RNF115: variants seen among roughly 807,000 people sequenced by gnomAD.
RNF115 encodes the protein ring finger protein 115.
In RNF115, 31 loss-of-function variants were observed where a neutral mutation model predicts 39.2. The observed-to-expected ratio is 0.79, with a 90% confidence interval of 0.59 to 1.07. The LOEUF is 1.07. RNF115 is among the 50% of genes least tolerant of loss of function. RNF115 has a pLI of 0.00. For missense variants in RNF115, 384 were observed against 381.7 expected, an observed-to-expected ratio of 1.01 and a Z score of -0.05; for synonymous variants, 124 against 131.0, an observed-to-expected ratio of 0.95 and a Z score of 0.37.
intron 1 of RNF115, among the ~76,000 whole-genome samples, chr1:145,794,123 C>T (rs1303974479): frequency 3.9e-5 from 6 of 152,176 alleles, no homozygotes; most frequent in African/African-American, 4.8e-5. Context: ...GAATTACAGG[C>T]GTGAGCCACC....
intron 1 of RNF115, among the ~76,000 whole-genome samples, chr1:145,800,658 T>C (rs1649194019): frequency 1.3e-5 from 2 of 152,138 alleles, no homozygotes; most frequent in African/African-American, 4.8e-5. Context: ...GAAAACACCA[T>C]CTTGGATCCA....
chr1:145,797,636 T>C lies in RNF115; in HGVS notation c.103-8670A>G, dbSNP rs587662846. ...GCAAATATCTCTCTGAGGTCCTGCA[T>C]TGAATACTTCTGGATACATATCCAG... is the stretch of plus-strand genomic sequence containing the variant. On this transcript the variant is annotated intron_variant, in intron 1 of 8. Transcript: ENST00000582693. Among the ~76,000 whole-genome samples the C allele has an allele frequency of 1.6e-4, 24 of 152,336 alleles. No homozygotes were observed. In the South Asian group the frequency reaches 3.7e-3, roughly 24 times the overall value.
chr1:145,781,814 A>C (rs1194019464), intron 3 of RNF115, among the ~76,000 whole-genome samples: 2 of 152,004 alleles, frequency 1.3e-5, no homozygotes, highest in East Asian at 3.9e-4. Context: ...ACCTCTCCTC[A>C]AGACCCTGGC....
chr1:145,815,893 C>T (rs1257698881), intron 1 of RNF115, among the ~76,000 whole-genome samples: 1 of 135,360 alleles, frequency 7.4e-6, no homozygotes, highest in East Asian at 2.1e-4. Context: ...TAGGAAAACA[C>T]TTTTAATAAG....
chr1:145,751,498 C>A lies in RNF115; in HGVS notation c.513G>T (p.Leu171=). The A allele has an allele frequency of 6.3e-7, 1 of 1,597,454 alleles. No individual in the cohort carries two copies. The highest frequency in any genetic ancestry group is 8.5e-7 in the Non-Finnish European group (1 of 1,171,230). The part of the protein sequence containing the change: ...SPHPFSWSGM[L]HSNPGDYAWG... ...AGGCATAGTCCCCAGGGTTGGAGTG[C>A]AGCATCCCGCTCCTATACGTGAGAT... The change falls in exon 6 of 9, where the codon CTG becomes CTT. Residue 171 remains leucine (L), a synonymous_variant. Transcript: ENST00000582693.
chr1:145,794,140 A>T (rs1008478589), intron 1 of RNF115, among the ~76,000 whole-genome samples: 13 of 152,146 alleles, frequency 8.5e-5, no homozygotes, highest in Non-Finnish European at 1.5e-4. Flanking sequence ...CACCACGCCC[A>T]GCCCGAATAT....
At chr1:145,781,589 C>A (rs909711826) in intron 3 of RNF115, among the ~76,000 whole-genome samples, 4 of 151,992 alleles carry the variant, frequency 2.6e-5, no homozygotes, top group African/African-American at 7.3e-5. Context: ...AGGCACATTG[C>A]GGTCTACACA....
At chr1:145,750,619 C>G in intron 6 of RNF115, 119 bp from the exon 7 acceptor site, 1 of 710,876 alleles carries the variant, frequency 1.4e-6, no homozygotes, top group South Asian at 1.8e-5. Context: ...ACTCTTACTT[C>G]TGCAAGGCTC....
chr1:145,819,883 C>G (rs1553724176), intron 1 of RNF115, among the ~76,000 whole-genome samples: 1 of 152,088 alleles, frequency 6.6e-6, no homozygotes, highest in Non-Finnish European at 1.5e-5. Flanking sequence ...ACCAAAAATA[C>G]AAAAATTAGC....
chr1:145,755,396 A>T (rs782091567), intron 4 of RNF115, among the ~76,000 whole-genome samples: 1 of 152,208 alleles, frequency 6.6e-6, no homozygotes, highest in South Asian at 2.1e-4. Flanking sequence ...ACCTGCCAGA[A>T]TATGTGTAAA....
At chr1:145,774,879 C>T (rs781861985) in intron 3 of RNF115, among the ~76,000 whole-genome samples, 8 of 151,972 alleles carry the variant, frequency 5.3e-5, no homozygotes, top group African/African-American at 1.5e-4. Context: ...CTAACAGAAA[C>T]GCAACTGATT....
At chr1:145,808,252 G>T (rs587662131) in intron 1 of RNF115, among the ~76,000 whole-genome samples, 30 of 151,992 alleles carry the variant, frequency 2.0e-4, no homozygotes, top group African/African-American at 3.1e-4. Flanking sequence ...AGTTTTTTTT[G>T]AAATATATCC....
chr1:145,812,752 T>C (rs587703673), intron 1 of RNF115, among the ~76,000 whole-genome samples: 2 of 151,920 alleles, frequency 1.3e-5, no homozygotes, highest in African/African-American at 4.8e-5. Context: ...GTATGCCTGG[T>C]TTAAAAATCA....
At chr1:145,764,961 C>A (rs879976456) in intron 4 of RNF115, among the ~76,000 whole-genome samples, 2 of 152,102 alleles carry the variant, frequency 1.3e-5, no homozygotes, top group African/African-American at 2.4e-5. Context: ...ATGACGATGG[C>A]GGTTTTGTGG....
At chr1:145,766,742 G>A (rs587748079) in intron 4 of RNF115, among the ~76,000 whole-genome samples, 4 of 123,796 alleles carry the variant, frequency 3.2e-5, no homozygotes, top group African/African-American at 1.2e-4. Flanking sequence ...TCCCAGTAGG[G>A]GCGGCCGGGC....
rs782095201 is a variant in RNF115 at position 145,771,682 on chromosome 1, T to C, written c.428+29A>G. Reference sequence around the variant, plus strand: ...AATTTGTCCTTCATTGAAACTACCTTAAAAAGAACTTAAAATAAAACAACT... The same window carrying C: ...AATTTGTCCTTCATTGAAACTACCTCAAAAAGAACTTAAAATAAAACAACT... On this transcript the variant is annotated intron_variant, in intron 4 of 8. Coordinates refer to ENST00000582693, the MANE Select transcript of RNF115 (RefSeq NM_014455.4). The C allele has an allele frequency of 5.7e-6, 9 of 1,588,500 alleles. No homozygotes were observed. The Admixed American group carries it at 1.5e-4, about 27-fold the overall frequency.
chr1:145,770,485 T>G (rs1352978326), intron 4 of RNF115, among the ~76,000 whole-genome samples: 2 of 152,172 alleles, frequency 1.3e-5, no homozygotes, highest in African/African-American at 4.8e-5. Flanking sequence ...GCACTCAAAA[T>G]ATAGCTATTT....
Position 145,747,908 on chromosome 1 carries a change from A to G in RNF115, c.783+87T>C, listed in dbSNP as rs899438907. On this transcript the variant is annotated intron_variant, in intron 8 of 8. Coordinates refer to ENST00000582693, the MANE Select transcript of RNF115 (RefSeq NM_014455.4). ...GTAAGCCAGGGATTTATGGGATAAA[A>G]TCTGATCTACTTGGATCTCGAGGAA... 10 of 924,582 alleles carry G rather than the reference A, an allele frequency of 1.1e-5. No homozygotes were observed. The Admixed American group carries it at 1.3e-4, about 12-fold the overall frequency. 57.3% of individuals were successfully genotyped at this position (924,582 alleles called of 1,614,324 possible).
At position 145,778,634 on chromosome 1, in the gene RNF115, T is replaced by C. The variant is rs1466232889; in HGVS notation, c.219+5905A>G. 3.3e-5 allele frequency among the ~76,000 whole-genome samples: 5 copies of C among 152,322 alleles called. No homozygotes were observed. In the East Asian group the frequency reaches 9.6e-4, roughly 29 times the overall value. ...TAAAGCAAAGTAAGGAAGATACTCA[T>C]CACCCCGAAATGTTTCCTCGTGTGC... is the stretch of plus-strand genomic sequence containing the variant. On this transcript the variant is annotated intron_variant, in intron 3 of 8. Coordinates refer to ENST00000582693, the MANE Select transcript of RNF115 (RefSeq NM_014455.4).
Sources: allele counts gnomAD v4.1 joint callset (sites outside exome capture counted in the v4.1 genomes callset), GRCh38; gene constraint gnomAD v4.1.1; transcripts MANE v1.5; gene names NCBI Gene and HGNC (gene_info 2026-07-23, HGNC 2026-07-21).